CDH11: variants seen among roughly 807,000 people sequenced by gnomAD.
The protein encoded by CDH11 is cadherin 11, also known as cadherin-11.
In CDH11, 11 loss-of-function variants were observed where a neutral mutation model predicts 67.8. That is an observed-to-expected ratio of 0.16 (90% CI 0.10 to 0.27). The LOEUF is 0.27. Among genes scored for constraint, CDH11 ranks in the 10% least tolerant of loss-of-function variants. CDH11 has a pLI of 1.00. For synonymous variants in CDH11, 419 were observed against 400.0 expected, an observed-to-expected ratio of 1.05 and a Z score of -0.57; for missense variants, 847 against 1,031.2, an observed-to-expected ratio of 0.82 and a Z score of 2.45.
chr16:65,096,625 A>T (rs1001016675), intron 1 of CDH11, among the ~76,000 whole-genome samples: 1 of 150,738 alleles, frequency 6.6e-6, no homozygotes, highest in Non-Finnish European at 1.5e-5. Flanking sequence ...TACACCAACT[A>T]TATAGATTTG....
chr16:65,106,052 T>C (rs1244935578), intron 1 of CDH11, among the ~76,000 whole-genome samples: 1 of 152,194 alleles, frequency 6.6e-6, no homozygotes, highest in Non-Finnish European at 1.5e-5. Flanking sequence ...CAACTTGATT[T>C]TCATTGCCCA....
At chr16:65,034,314 T>C (rs140167548) in intron 2 of CDH11, among the ~76,000 whole-genome samples, 226 of 152,278 alleles carry the variant, frequency 1.5e-3, no homozygotes, top group South Asian at 5.8e-3. Context: ...GCCTCCAGAA[T>C]TGTAAGACAA....
intron 11 of CDH11, among the ~76,000 whole-genome samples, chr16:64,957,225 A>T (rs775057847): frequency 6.6e-6 from 1 of 152,102 alleles, no homozygotes; most frequent in Non-Finnish European, 1.5e-5. Context: ...CTCTGAAGCT[A>T]AACAATCCTC....
At chr16:65,096,475 A>G (rs1045713897) in intron 1 of CDH11, among the ~76,000 whole-genome samples, 1 of 147,036 alleles carries the variant, frequency 6.8e-6, no homozygotes, top group African/African-American at 2.5e-5. Flanking sequence ...GTGTATATAT[A>G]CCTATTTGTA....
intron 1 of CDH11, among the ~76,000 whole-genome samples, chr16:65,078,463 TCCC>T (rs2074554474): frequency 6.6e-6 from 1 of 152,000 alleles, no homozygotes; most frequent in South Asian, 2.1e-4. Context: ...ATTATATCAT[TCCC>T]CCAATAGCAG....
chr16:65,039,326 G>C lies in CDH11; in HGVS notation c.-173+14478C>G, dbSNP rs1373708202. ...CTTCAAACTATACTACAAGGCTACAGTAACCAAAACAGCATGGTACTGGTA... is the reference window on the plus strand; with the variant it reads ...CTTCAAACTATACTACAAGGCTACACTAACCAAAACAGCATGGTACTGGTA... On this transcript the variant is annotated intron_variant, in intron 2 of 12. Transcript: ENST00000268603. 2.0e-5 allele frequency among the ~76,000 whole-genome samples: 3 copies of C among 152,186 alleles called. No individual in the cohort carries two copies. In the South Asian group the frequency reaches 6.2e-4, roughly 31 times the overall value.
Position 65,096,406 on chromosome 16 carries a change from G to GGT in CDH11, c.-298+25472_-298+25473dup, listed in dbSNP as rs377132363. On this transcript the variant is annotated intron_variant, in intron 1 of 12. Transcript: ENST00000268603. Reference sequence around the variant, plus strand: ...CAATCTCTTACCATAAATCTTTCGGGGTGTGTGTGTGTGTGTGTGTGTGTG... The same window carrying GGT: ...CAATCTCTTACCATAAATCTTTCGGGGTGTGTGTGTGTGTGTGTGTGTGTGTG... Among the ~76,000 whole-genome samples, 438 of 134,022 alleles carry GGT rather than the reference G, an allele frequency of 3.3e-3. 2 individuals carry two copies. Among genetic ancestry groups the GGT allele is most frequent in the African/African-American group, 5.4e-3 (193 of 35,742 alleles). 87.9% of individuals were successfully genotyped at this position (134,022 alleles called of 152,430 possible).
Position 64,971,606 on chromosome 16 carries a change from G to T in CDH11, c.1615C>A (p.Pro539Thr). ...CGGTTGTCTCTGACTGTGAAATTTGGATTGTGAATGATTTCAGGGGGTAGG... is the reference window on the plus strand; with the variant it reads ...CGGTTGTCTCTGACTGTGAAATTTGTATTGTGAATGATTTCAGGGGGTAGG... Reference protein sequence around the residue: ...FSLPPEIIHNPNFTVRDNRDN... With the variant: ...FSLPPEIIHNTNFTVRDNRDN... The change falls in exon 11 of 13, where the codon CCA (proline) becomes ACA (threonine). Residue 539 changes from proline (P) to threonine (T), a missense_variant. Physicochemically the swap from Pro to Thr is conservative, Grantham distance 38. Around this residue, in one of 2 missense-constraint regions of CDH11, gnomAD observed 612 missense variants for 678.7 expected, o/e 0.90. Coordinates refer to ENST00000268603, the MANE Select transcript of CDH11 (RefSeq NM_001797.4). The T allele has an allele frequency of 6.2e-7, 1 of 1,612,728 alleles. No homozygotes were observed. Among genetic ancestry groups the T allele is most frequent in the Non-Finnish European group, 8.5e-7 (1 of 1,179,216 alleles).
chr16:64,979,013 A>T (rs1219709983), intron 8 of CDH11, among the ~76,000 whole-genome samples: 1 of 152,228 alleles, frequency 6.6e-6, no homozygotes, highest in East Asian at 1.9e-4. Context: ...CAAATCATAT[A>T]CCTGATAAGG....
intron 2 of CDH11, among the ~76,000 whole-genome samples, chr16:65,018,483 C>T (rs1374016030): frequency 6.6e-6 from 1 of 152,116 alleles, no homozygotes; most frequent in Non-Finnish European, 1.5e-5. Context: ...TAAGAATACT[C>T]ACATAGTTTC....
chr16:64,964,536 T>A (rs562806946), intron 11 of CDH11, among the ~76,000 whole-genome samples: 1 of 151,086 alleles, frequency 6.6e-6, no homozygotes, highest in South Asian at 2.1e-4. Context: ...TGTAGACTTA[T>A]TTATTTATTT....
chr16:65,114,656 G>A (rs1242675987), intron 1 of CDH11, among the ~76,000 whole-genome samples: 1 of 152,162 alleles, frequency 6.6e-6, no homozygotes, highest in Non-Finnish European at 1.5e-5. Flanking sequence ...GGTGCAGGCA[G>A]GAGGGAACGC....
chr16:64,965,381 C>CG (rs2071789794), intron 11 of CDH11, among the ~76,000 whole-genome samples: 1 of 151,838 alleles, frequency 6.6e-6, no homozygotes, highest in Admixed American at 6.6e-5. Context: ...GACTCCATCT[C>CG]GAAAAAAAAC....
At chr16:65,022,525 T>A (rs2073448489) in intron 2 of CDH11, among the ~76,000 whole-genome samples, 2 of 152,132 alleles carry the variant, frequency 1.3e-5, no homozygotes, top group Non-Finnish European at 2.9e-5. Flanking sequence ...TTTTTCTGAG[T>A]CTAGCGAAAG....
intron 1 of CDH11, among the ~76,000 whole-genome samples, chr16:65,060,239 C>T (rs2074214476): frequency 6.6e-6 from 1 of 152,078 alleles, no homozygotes; most frequent in Non-Finnish European, 1.5e-5. Context: ...TCCAAAGACT[C>T]TTCCCCTCCC....
At chr16:64,948,130 C>T (rs2280394) in intron 12 of CDH11, 31 bp from the exon 13 acceptor site, 480,998 of 1,591,344 alleles carry the variant, frequency 0.3, 75,417 homozygotes, top group East Asian at 0.34. Flanking sequence ...GGTAAGCATT[C>T]GTTAAGTCCA....
At chr16:65,084,587 A>G (rs1172612553) in intron 1 of CDH11, among the ~76,000 whole-genome samples, 1 of 152,236 alleles carries the variant, frequency 6.6e-6, no homozygotes, top group Non-Finnish European at 1.5e-5. Context: ...TATAAGTGAG[A>G]ATAGTCGTCA....
intron 1 of CDH11, among the ~76,000 whole-genome samples, chr16:65,078,201 C>T (rs1007903955): frequency 6.6e-5 from 10 of 152,222 alleles, no homozygotes; most frequent in African/African-American, 2.4e-4. Flanking sequence ...ATTTCAAGAG[C>T]TCAATCTGTG....
At chr16:64,992,275 C>A (rs186189476) in intron 5 of CDH11, among the ~76,000 whole-genome samples, 2 of 152,298 alleles carry the variant, frequency 1.3e-5, no homozygotes, top group East Asian at 1.9e-4. Flanking sequence ...TGACTTCCAG[C>A]ACAATCTTCT....
Sources: gnomAD v4.1 joint callset for allele counts (sites outside exome capture counted in the v4.1 genomes callset) on GRCh38, gnomAD v4.1.1 for gene constraint, gnomAD v4.1.1 regional missense constraint, MANE v1.5 for transcripts, NCBI Gene and HGNC (gene_info 2026-07-23, HGNC 2026-07-21) for gene names.